Variants in GTF2F2 observed in about 807,000 individuals in gnomAD.
The protein encoded by GTF2F2 is general transcription factor IIF subunit 2.
GTF2F2 carries 23 observed loss-of-function variants against 42.2 expected under a neutral mutation model. The ratio of observed to expected loss-of-function variants is 0.55; its 90% CI spans 0.39 to 0.77. GTF2F2 has a LOEUF of 0.77. Ranked by LOEUF, GTF2F2 falls within the 30% of genes least tolerant of loss-of-function variation. GTF2F2 has a pLI of 0.00. For synonymous variants in GTF2F2, 105 were observed against 100.8 expected, an observed-to-expected ratio of 1.04 and a Z score of -0.25; for missense variants, 261 against 287.2, an observed-to-expected ratio of 0.91 and a Z score of 0.66.
intron 7 of GTF2F2, among the ~76,000 whole-genome samples, chr13:45,277,869 T>C (rs755274956): frequency 2.0e-5 from 3 of 152,194 alleles, no homozygotes; most frequent in Non-Finnish European, 4.4e-5. Context: ...CAGTGTAAGT[T>C]TGCATATTGA....
intron 5 of GTF2F2, among the ~76,000 whole-genome samples, chr13:45,218,361 GTTTTTA>G (rs1308530728): frequency 2.6e-5 from 4 of 152,164 alleles, no homozygotes; most frequent in African/African-American, 9.7e-5. Context: ...TTCCTCAAGT[GTTTTTA>G]TTTTTATCTG....
At chr13:45,222,893 C>T (rs577082141) in intron 5 of GTF2F2, among the ~76,000 whole-genome samples, 5 of 152,270 alleles carry the variant, frequency 3.3e-5, no homozygotes, top group African/African-American at 7.2e-5. Context: ...CGGTGGCTCA[C>T]GCCTATAATT....
At chr13:45,133,879 G>T (rs1044414006) in intron 1 of GTF2F2, among the ~76,000 whole-genome samples, 7 of 152,166 alleles carry the variant, frequency 4.6e-5, no homozygotes, top group Admixed American at 1.3e-4. Flanking sequence ...TGTTAAGTCC[G>T]CTGGGTCTGA....
At chr13:45,182,081 T>C (rs1402532858) in intron 4 of GTF2F2, among the ~76,000 whole-genome samples, 5 of 152,152 alleles carry the variant, frequency 3.3e-5, no homozygotes, top group South Asian at 2.1e-4. Context: ...CTGCCATTTC[T>C]AAGAATTTGA....
intron 4 of GTF2F2, among the ~76,000 whole-genome samples, chr13:45,195,964 A>T (rs916570882): frequency 4.6e-5 from 7 of 152,148 alleles, no homozygotes; most frequent in Non-Finnish European, 8.8e-5. Flanking sequence ...CCACACTGTT[A>T]AAAGTTAGAC....
At chr13:45,259,425 TC>T (rs1349369219) in intron 6 of GTF2F2, among the ~76,000 whole-genome samples, 1 of 151,710 alleles carries the variant, frequency 6.6e-6, no homozygotes, top group Non-Finnish European at 1.5e-5. Context: ...AAACTCCATC[TC>T]AAAAAAAACA....
intron 5 of GTF2F2, among the ~76,000 whole-genome samples, chr13:45,243,722 A>G (rs903294755): frequency 3.9e-5 from 6 of 152,074 alleles, no homozygotes; most frequent in Middle Eastern, 3.2e-3. Flanking sequence ...GTGCAGTGGC[A>G]CAATCTTGGC....
At chr13:45,209,021 C>T (rs2138190916) in intron 5 of GTF2F2, among the ~76,000 whole-genome samples, 1 of 152,196 alleles carries the variant, frequency 6.6e-6, no homozygotes, top group East Asian at 1.9e-4. Flanking sequence ...TTTTCTGTGG[C>T]CGTAATTTTC....
At chr13:45,207,613 T>C in intron 5 of GTF2F2, 108 bp downstream of exon 5, 1 of 675,726 alleles carries the variant, frequency 1.5e-6, no homozygotes, top group Non-Finnish European at 2.6e-6. Flanking sequence ...TATTGTTGAG[T>C]GTTTGCTTCA....
At chr13:45,235,825 G>A (rs1874948534) in intron 5 of GTF2F2, among the ~76,000 whole-genome samples, 1 of 151,656 alleles carries the variant, frequency 6.6e-6, no homozygotes, top group Non-Finnish European at 1.5e-5. Context: ...TGCTGGTCTC[G>A]AACTCCTGAC....
intron 7 of GTF2F2, among the ~76,000 whole-genome samples, chr13:45,270,740 A>T (rs1249745122): frequency 6.6e-6 from 1 of 152,324 alleles, no homozygotes; most frequent in East Asian, 1.9e-4. Flanking sequence ...CAGGAGGCCT[A>T]TTATTTCTCC....
At chr13:45,259,634 C>T (rs542663263) in intron 6 of GTF2F2, among the ~76,000 whole-genome samples, 138 of 147,678 alleles carry the variant, frequency 9.3e-4, no homozygotes, top group African/African-American at 3.2e-3. Context: ...ACCTCTTTCT[C>T]GCAAACCTAG....
At chr13:45,274,493 AT>A (rs936357052) in intron 7 of GTF2F2, among the ~76,000 whole-genome samples, 15 of 151,808 alleles carry the variant, frequency 9.9e-5, no homozygotes, top group Admixed American at 2.6e-4. Flanking sequence ...CACCTAGCTA[AT>A]TTTTTTGTAT....
chr13:45,283,988 A>C lies in GTF2F2; in HGVS notation c.*427A>C, dbSNP rs1566162074. 6.6e-6 allele frequency: 1 copy of C among 152,196 alleles called. No individual in the cohort carries two copies. Among genetic ancestry groups the C allele is most frequent in the East Asian group, 1.9e-4 (1 of 5,186 alleles). 9.4% of individuals were successfully genotyped at this position (152,196 alleles called of 1,614,324 possible). On this transcript the variant is annotated 3_prime_UTR_variant, in exon 8 of 8. Transcript: ENST00000340473. ...ACAGAAACTCTTAAAAGGAATAAAA[A>C]CCCAAAGTTCCTTATTTTGAAATTG...
chr13:45,170,458 A>G (rs1871538751), intron 4 of GTF2F2, among the ~76,000 whole-genome samples: 1 of 152,208 alleles, frequency 6.6e-6, no homozygotes, highest in African/African-American at 2.4e-5. Flanking sequence ...TGGAAAGTGA[A>G]TGTCAGTTGA....
intron 1 of GTF2F2, 56 bp from the exon 2 acceptor site, chr13:45,136,677 G>C: frequency 1.1e-6 from 1 of 902,590 alleles, no homozygotes; most frequent in Non-Finnish European, 1.8e-6. Flanking sequence ...ATCATTTTAT[G>C]TTTGAAAAGA....
chr13:45,265,115 T>C lies in GTF2F2; in HGVS notation c.487-2118T>C, dbSNP rs190095734. 3.5e-4 allele frequency among the ~76,000 whole-genome samples: 54 copies of C among 152,120 alleles called. No homozygotes were observed. In the East Asian group the frequency reaches 7.5e-3, roughly 21 times the overall value. Reference sequence around the variant, plus strand: ...CTCTACTAAAAATACAAAAATTAGCTGGGCATGGTGGTGCGCACCTGTAAT... The same window carrying C: ...CTCTACTAAAAATACAAAAATTAGCCGGGCATGGTGGTGCGCACCTGTAAT... On this transcript the variant is annotated intron_variant, in intron 6 of 7. Transcript: ENST00000340473.
At chr13:45,268,670 CT>C (rs1328136047) in intron 7 of GTF2F2, among the ~76,000 whole-genome samples, 1 of 151,844 alleles carries the variant, frequency 6.6e-6, no homozygotes, top group Non-Finnish European at 1.5e-5. Context: ...TGAAATTTAT[CT>C]TTGTATTTAT....
At chr13:45,144,909 CAT>C (rs1384968923) in intron 2 of GTF2F2, among the ~76,000 whole-genome samples, 3 of 152,150 alleles carry the variant, frequency 2.0e-5, no homozygotes, top group Non-Finnish European at 2.9e-5. Flanking sequence ...AGTCTGGCAA[CAT>C]ATATGTGTGT....
Sources: gnomAD v4.1 joint callset for allele counts (sites outside exome capture counted in the v4.1 genomes callset) on GRCh38, gnomAD v4.1.1 for gene constraint, MANE v1.5 for transcripts, NCBI Gene and HGNC (gene_info 2026-07-23, HGNC 2026-07-21) for gene names.